C6orf118: variants seen among roughly 807,000 people sequenced by gnomAD.
The protein encoded by C6orf118 is chromosome 6 open reading frame 118, also known as uncharacterized protein C6orf118.
Under a neutral mutation model 50.2 loss-of-function variants are expected in C6orf118, and 50 were observed. The observed-to-expected ratio is 1.00, with a 90% CI of 0.79 to 1.26. The LOEUF (loss-of-function observed/expected upper bound fraction) is 1.26. Among genes scored for constraint, C6orf118 ranks in the 50% most tolerant of loss-of-function variants. The pLI is 0.00. For missense variants in C6orf118, 641 were observed against 578.7 expected (o/e 1.11, Z -1.10); for synonymous variants, 239 against 230.9 (o/e 1.03, Z -0.32).
chr6:165,301,644 G>A lies in C6orf118; in HGVS notation c.678C>T (p.Leu226=), dbSNP rs906177327. The change falls in exon 2 of 9, where the codon CTC becomes CTT. Residue 226 remains leucine (L), a synonymous_variant. Transcript: ENST00000230301. ...RMFLRFQKEV[L]AKQDLLKNDF... ...CATTCTTCAGGAGATCTTGCTTGGCGAGCACTTCCTTCTGGAAACGCAGGA... is the reference window on the plus strand; with the variant it reads ...CATTCTTCAGGAGATCTTGCTTGGCAAGCACTTCCTTCTGGAAACGCAGGA... The A allele has an allele frequency of 1.9e-5, 30 of 1,613,998 alleles. No individual in the cohort carries two copies. Among genetic ancestry groups the A allele is most frequent in the Non-Finnish European group, 2.3e-5 (27 of 1,180,030 alleles).
intron 7 of C6orf118, among the ~76,000 whole-genome samples, chr6:165,287,558 C>A (rs1244792530): frequency 6.6e-6 from 1 of 152,182 alleles, no homozygotes; most frequent in African/African-American, 2.4e-5. Flanking sequence ...GTGACCTAAA[C>A]AGCATGGTAC....
intron 5 of C6orf118, among the ~76,000 whole-genome samples, chr6:165,297,401 TA>T (rs762133971): frequency 0.015 from 1,865 of 124,282 alleles, 20 homozygotes; most frequent in East Asian, 0.036. Flanking sequence ...AAGTCTCCAT[TA>T]AAAAAAAAAA....
intron 7 of C6orf118, among the ~76,000 whole-genome samples, chr6:165,287,331 T>G (rs1779945378): frequency 2.0e-5 from 3 of 152,100 alleles, no homozygotes; most frequent in African/African-American, 7.2e-5. Flanking sequence ...GAAGAATCAG[T>G]ATCATGAAAA....
Position 165,290,080 on chromosome 6 carries a change from T to C in C6orf118, c.1121-13A>G, listed in dbSNP as rs1780056572. ...TTCTCAGATGATTCTGGAAATATTT[T>C]TTAAAACAAAGTATTACCATGTTTA... On this transcript the variant is annotated splice_polypyrimidine_tract_variant and intron_variant, in intron 6 of 8. Transcript: ENST00000230301. The C allele has an allele frequency of 6.5e-7, 1 of 1,539,228 alleles. No homozygotes were observed. Among genetic ancestry groups the C allele is most frequent in the East Asian group, 2.3e-5 (1 of 44,246 alleles).
intron 4 of C6orf118, 139 bp from the exon 5 acceptor site, chr6:165,298,240 G>T: frequency 1.7e-4 from 159 of 960,958 alleles, no homozygotes; most frequent in East Asian, 3.3e-4. Flanking sequence ...AAATTGGGAG[G>T]ATTTAAGGGA....
intron 1 of C6orf118, among the ~76,000 whole-genome samples, chr6:165,307,116 T>C (rs1192890782): frequency 6.6e-6 from 1 of 152,188 alleles, no homozygotes; most frequent in Non-Finnish European, 1.5e-5. Context: ...TAGGCTACAT[T>C]TGGGTTAATA....
At chr6:165,288,793 A>G (rs534214271) in intron 7 of C6orf118, among the ~76,000 whole-genome samples, 1 of 152,098 alleles carries the variant, frequency 6.6e-6, no homozygotes, top group African/African-American at 2.4e-5. Flanking sequence ...AGGAGGGTGA[A>G]GGGAGGTAAA....
At chr6:165,307,189 T>C (rs1195988591) in intron 1 of C6orf118, among the ~76,000 whole-genome samples, 1 of 151,330 alleles carries the variant, frequency 6.6e-6, no homozygotes, top group Non-Finnish European at 1.5e-5. Context: ...TTTGTTTCTT[T>C]GGAAATGTAT....
intron 7 of C6orf118, among the ~76,000 whole-genome samples, chr6:165,288,189 A>C (rs1054850204): frequency 2.0e-5 from 3 of 152,208 alleles, no homozygotes; most frequent in African/African-American, 4.8e-5. Context: ...AAAGCTCAAC[A>C]TCACTGGTCA....
At chr6:165,284,429 A>G (rs1779835943) in intron 7 of C6orf118, among the ~76,000 whole-genome samples, 1 of 152,232 alleles carries the variant, frequency 6.6e-6, no homozygotes, top group African/African-American at 2.4e-5. Flanking sequence ...AACTTCCCCA[A>G]CCTAGCAAGA....
intron 8 of C6orf118, among the ~76,000 whole-genome samples, chr6:165,281,303 C>A (rs950316341): frequency 6.6e-6 from 1 of 152,146 alleles, no homozygotes; most frequent in Non-Finnish European, 1.5e-5. Context: ...AGATTGAGGT[C>A]TAAATCTTAG....
At chr6:165,282,399 C>A (rs1483410362) in intron 7 of C6orf118, among the ~76,000 whole-genome samples, 1 of 151,990 alleles carries the variant, frequency 6.6e-6, no homozygotes, top group African/African-American at 2.4e-5. Flanking sequence ...AAAGTATTAG[C>A]AATTTTAGTA....
rs1411522243 is a variant in C6orf118 at position 165,300,444 on chromosome 6, TG to T, written c.795del (p.Asn265LysfsTer18). The T allele has an allele frequency of 6.2e-7, 1 of 1,613,750 alleles. No homozygotes were observed. Among genetic ancestry groups the T allele is most frequent in the Middle Eastern group, 1.7e-4 (1 of 6,056 alleles). On this transcript the variant is annotated frameshift_variant, in exon 3 of 9. Coordinates refer to ENST00000230301, the MANE Select transcript of C6orf118 (RefSeq NM_144980.4). LOFTEE classifies it high-confidence loss of function. ...AAGACTTTTCCAAAGACGTGCAGTCTGTTGAACTGCTGGGGGCTGCACGTGC... is the reference window on the plus strand; with the variant it reads ...AAGACTTTTCCAAAGACGTGCAGTCTTTGAACTGCTGGGGGCTGCACGTGC... ...KICTCSPQQFNRLHVFGKVFE... is the reference protein window; with the variant it reads ...KICTCSPQQFXRLHVFGKVFE...
chr6:165,289,521 A>G (rs1780032986), intron 7 of C6orf118, among the ~76,000 whole-genome samples: 1 of 152,046 alleles, frequency 6.6e-6, no homozygotes, highest in Non-Finnish European at 1.5e-5. Flanking sequence ...TTAGTGTACC[A>G]CCACCCAAAT....
At chr6:165,286,042 A>G (rs964111920) in intron 7 of C6orf118, among the ~76,000 whole-genome samples, 7 of 152,098 alleles carry the variant, frequency 4.6e-5, no homozygotes, top group Non-Finnish European at 1.0e-4. Flanking sequence ...CTAGATTAAT[A>G]AAGAAGAAAA....
intron 7 of C6orf118, among the ~76,000 whole-genome samples, chr6:165,286,955 AG>A (rs1319604170): frequency 1.1e-4 from 17 of 152,200 alleles, no homozygotes; most frequent in African/African-American, 4.1e-4. Context: ...AAAGAAATAA[AG>A]GGTATTGAAA....
In C6orf118 at chr6:165,299,510, G is replaced by A. The variant is rs759032097; in HGVS notation, c.877-8C>T. 1.9e-6 allele frequency: 3 copies of A among 1,613,680 alleles called. No individual in the cohort carries two copies. The highest frequency in any genetic ancestry group is 4.5e-5 in the East Asian group (2 of 44,862). On this transcript the variant is annotated splice_polypyrimidine_tract_variant and splice_region_variant and intron_variant, in intron 3 of 8. Coordinates refer to ENST00000230301, the MANE Select transcript of C6orf118 (RefSeq NM_144980.4). Reference sequence around the variant, plus strand: ...GTAGAGTTCATATTCATCCTGTACAGAAACAAACAAAAGTCCACTGGCCAT... The same window carrying A: ...GTAGAGTTCATATTCATCCTGTACAAAAACAAACAAAAGTCCACTGGCCAT...
In C6orf118 at chr6:165,300,422, A is replaced by G. The variant is rs149415975; in HGVS notation, c.818T>C (p.Val273Ala). 1 of 1,613,870 alleles carries G rather than the reference A, an allele frequency of 6.2e-7. No homozygotes were observed. The highest frequency in any genetic ancestry group is 8.5e-7 in the Non-Finnish European group (1 of 1,179,892). Residue 273 changes from valine (V) to alanine (A), a missense_variant, in exon 3 of 9, where the codon GTC becomes GCC. Transcript: ENST00000230301. ...QFNRLHVFGK[V>A]FEDICNSSLI... ...AGAACTGTTACAAATATCTTCAAAG[A>G]CTTTTCCAAAGACGTGCAGTCTGTT...
At chr6:165,284,207 C>T (rs923903241) in intron 7 of C6orf118, among the ~76,000 whole-genome samples, 6 of 151,790 alleles carry the variant, frequency 4.0e-5, no homozygotes, top group Non-Finnish European at 8.8e-5. Flanking sequence ...GCCAAATAGA[C>T]CAAGTGGAGG....
Sources: allele counts gnomAD v4.1 joint callset (sites outside exome capture counted in the v4.1 genomes callset), GRCh38; gene constraint gnomAD v4.1.1; transcripts MANE v1.5; gene names NCBI Gene and HGNC (gene_info 2026-07-23, HGNC 2026-07-21).